The following ADARB2 variants were observed in gnomAD, a reference collection of about 807,000 sequenced individuals.
ADARB2 encodes inactive double-stranded RNA-specific editase B2.
In ADARB2, 25 loss-of-function variants were observed where a neutral mutation model predicts 62.2. The ratio of observed to expected loss-of-function variants is 0.40; its 90% CI spans 0.29 to 0.56. ADARB2 has a LOEUF of 0.56. Ranked by LOEUF, ADARB2 falls within the 20% of genes least tolerant of loss-of-function variation. The pLI, the probability that ADARB2 is intolerant of heterozygous loss-of-function variation, is 0.43. For synonymous variants in ADARB2, 572 were observed against 500.8 expected (o/e 1.14, Z -1.90); for missense variants, 1,071 against 1,077.4 (o/e 0.99, Z 0.08).
intron 5 of ADARB2, among the ~76,000 whole-genome samples, chr10:1,234,830 C>A (rs1462225844): frequency 7.1e-6 from 1 of 140,532 alleles, no homozygotes; most frequent in Non-Finnish European, 1.5e-5. Context: ...CTCACTGCAA[C>A]CTCTGCCTCC....
In ADARB2 at chr10:1,495,936, C is replaced by T. The variant is rs116160527; in HGVS notation, c.101-116776G>A. Among the ~76,000 whole-genome samples, 1,098 of 151,286 alleles carry T rather than the reference C, an allele frequency of 7.3e-3. 16 individuals are homozygous for T. The highest frequency in any genetic ancestry group is 0.026 in the African/African-American group (1,051 of 41,192). The stretch of plus-strand genomic sequence containing the variant: ...ACCACCATCATCATCATTGTCATCA[C>T]CATCACCATCATTATTGTGATCATC... On this transcript the variant is annotated intron_variant, in intron 1 of 9. Coordinates refer to ENST00000381312, the MANE Select transcript of ADARB2 (RefSeq NM_018702.4).
chr10:1,566,063 C>CAAAAAA (rs376967105), intron 1 of ADARB2, among the ~76,000 whole-genome samples: 1 of 128,060 alleles, frequency 7.8e-6, no homozygotes, highest in Admixed American at 7.9e-5. Context: ...CTCAGTCTAG[C>CAAAAAA]AAAAAAAAAA....
At chr10:1,456,579 T>C (rs902810008) in intron 1 of ADARB2, among the ~76,000 whole-genome samples, 6 of 152,136 alleles carry the variant, frequency 3.9e-5, no homozygotes, top group Admixed American at 3.9e-4. Context: ...CAGCTCTGCC[T>C]CAGCAACGAT....
At chr10:1,611,961 T>C (rs1251061019) in intron 1 of ADARB2, among the ~76,000 whole-genome samples, 1 of 152,062 alleles carries the variant, frequency 6.6e-6, no homozygotes, top group East Asian at 1.9e-4. Context: ...TTCTTTCTGT[T>C]TCACCCCGTG....
chr10:1,454,948 T>G (rs924412140), intron 1 of ADARB2, among the ~76,000 whole-genome samples: 80 of 152,380 alleles, frequency 5.3e-4, no homozygotes, highest in African/African-American at 1.8e-3. Flanking sequence ...GCCAGGTTGC[T>G]GTTTAATACC....
intron 1 of ADARB2, among the ~76,000 whole-genome samples, chr10:1,596,257 T>G (rs1279192902): frequency 6.6e-6 from 1 of 152,196 alleles, no homozygotes; most frequent in Non-Finnish European, 1.5e-5. Flanking sequence ...TGGGCATCAA[T>G]TGGAACATCA....
At chr10:1,676,148 A>C (rs577570984) in intron 1 of ADARB2, 137 of 654,430 alleles carry the variant, frequency 2.1e-4, no homozygotes, top group African/African-American at 1.6e-3. Context: ...GCAAATGTGC[A>C]ATATGAAATT....
chr10:1,198,390 ATCTC>A (rs774584812), intron 8 of ADARB2, among the ~76,000 whole-genome samples: 8 of 152,024 alleles, frequency 5.3e-5, no homozygotes, highest in East Asian at 3.9e-4. Context: ...CCTGTGCAAG[ATCTC>A]TCTCTCTCTT....
rs548680377 is a variant in ADARB2 at position 1,617,907 on chromosome 10, T to C, written c.100+119144A>G. Among the ~76,000 whole-genome samples, 38 of 152,356 alleles carry C rather than the reference T, an allele frequency of 2.5e-4. No homozygotes were observed. The South Asian group carries it at 4.3e-3, about 17-fold the overall frequency. On this transcript the variant is annotated intron_variant, in intron 1 of 9. Transcript: ENST00000381312. ...TGTTTGACAGTTGCTGTGTTTCTCTTAAGCTCAAAACTTTTGTTGGACGGC... is the reference window on the plus strand; with the variant it reads ...TGTTTGACAGTTGCTGTGTTTCTCTCAAGCTCAAAACTTTTGTTGGACGGC...
intron 3 of ADARB2, among the ~76,000 whole-genome samples, chr10:1,340,348 C>T (rs11250432): frequency 1.5e-3 from 125 of 83,122 alleles, no homozygotes; most frequent in South Asian, 2.8e-3. Context: ...CGCCCCACAG[C>T]GGCAATAACC....
At chr10:1,663,457 AC>A (rs747410304) in intron 1 of ADARB2, among the ~76,000 whole-genome samples, 7 of 150,894 alleles carry the variant, frequency 4.6e-5, no homozygotes, top group Admixed American at 3.3e-4. Flanking sequence ...CCTCCCCGCC[AC>A]CCCTGGAAAC....
At chr10:1,656,782 C>T (rs1035671704) in intron 1 of ADARB2, among the ~76,000 whole-genome samples, 1 of 151,880 alleles carries the variant, frequency 6.6e-6, no homozygotes, top group African/African-American at 2.4e-5. Flanking sequence ...TTTAATGTGC[C>T]TATTATATAT....
intron 3 of ADARB2, among the ~76,000 whole-genome samples, chr10:1,308,599 C>G (rs1031074505): frequency 6.6e-6 from 1 of 152,200 alleles, no homozygotes; most frequent in Non-Finnish European, 1.5e-5. Context: ...AGTGGGTGCA[C>G]CATTTTGCAC....
chr10:1,224,537 T>C (rs1830727659), intron 6 of ADARB2, among the ~76,000 whole-genome samples: 1 of 152,146 alleles, frequency 6.6e-6, no homozygotes, highest in African/African-American at 2.4e-5. Flanking sequence ...ATTTTGGATC[T>C]TTCCTGCTTT....
chr10:1,262,508 T>C (rs1831151503), intron 4 of ADARB2, among the ~76,000 whole-genome samples: 1 of 151,978 alleles, frequency 6.6e-6, no homozygotes, highest in Admixed American at 6.6e-5. Flanking sequence ...AGAAGACATT[T>C]ATGCAGCCAA....
intron 7 of ADARB2, among the ~76,000 whole-genome samples, chr10:1,201,988 C>T (rs1252527401): frequency 6.6e-6 from 1 of 152,134 alleles, no homozygotes; most frequent in African/African-American, 2.4e-5. Flanking sequence ...TCTTCAGAGT[C>T]AATCTTTTCC....
chr10:1,217,151 A>G, intron 6 of ADARB2, 32 bp from the exon 7 acceptor site: 2 of 1,529,376 alleles, frequency 1.3e-6, no homozygotes, highest in Non-Finnish European at 1.8e-6. Flanking sequence ...AGGGGTGAGA[A>G]GAGGGAAGCC....
At chr10:1,385,540 C>T (rs759497669) in intron 1 of ADARB2, among the ~76,000 whole-genome samples, 6 of 150,584 alleles carry the variant, frequency 4.0e-5, no homozygotes, top group Non-Finnish European at 7.4e-5. Context: ...TGTCACTTTG[C>T]AAAACATATC....
chr10:1,646,112 A>G (rs953582373), intron 1 of ADARB2, among the ~76,000 whole-genome samples: 9 of 152,172 alleles, frequency 5.9e-5, no homozygotes, highest in Non-Finnish European at 1.0e-4. Context: ...TGGACTCTAC[A>G]AGGTGCACAC....
Sources: gnomAD v4.1 joint callset for allele counts (sites outside exome capture counted in the v4.1 genomes callset) on GRCh38, gnomAD v4.1.1 for gene constraint, MANE v1.5 for transcripts, NCBI Gene and HGNC (gene_info 2026-07-23, HGNC 2026-07-21) for gene names.